The following NADK variants were observed in gnomAD, a reference collection of about 807,000 sequenced individuals.
NADK encodes NAD kinase, also known as poly(P)/ATP NAD kinase.
NADK carries 22 observed loss-of-function variants against 49.8 expected under a neutral mutation model. The observed-to-expected ratio is 0.44, with a 90% CI of 0.32 to 0.63. The LOEUF (loss-of-function observed/expected upper bound fraction) is 0.63. Among genes scored for constraint, NADK ranks in the 30% least tolerant of loss-of-function variants. The pLI, the probability that NADK is intolerant of heterozygous loss-of-function variation, is 0.06. For synonymous variants in NADK, 268 were observed against 253.7 expected, an observed-to-expected ratio of 1.06 and a Z score of -0.54; for missense variants, 438 against 609.4, an observed-to-expected ratio of 0.72 and a Z score of 2.96.
chr1:1,757,146 G>GCGGCCCC, intron 4 of NADK, 35 bp downstream of exon 4: 2 of 1,524,050 alleles, frequency 1.3e-6, no homozygotes, highest in Non-Finnish European at 1.8e-6. Context: ...AACTCCATGT[G>GCGGCCCC]CACCCCAGGC....
chr1:1,752,811 G>T lies in NADK; in HGVS notation c.*93C>A, dbSNP rs914247926. On this transcript the variant is annotated 3_prime_UTR_variant, in exon 12 of 12. Transcript: ENST00000341426. ...ACAGAAAGGAAGTGGCCGTGCCACT[G>T]AGACAGGCGGTCACAGACACACGCA... The T allele has an allele frequency of 2.1e-6, 3 of 1,450,884 alleles. No individual in the cohort carries two copies. Among genetic ancestry groups the T allele is most frequent in the African/African-American group, 1.4e-5 (1 of 71,244 alleles). 89.9% of individuals were successfully genotyped at this position (1,450,884 alleles called of 1,614,324 possible).
chr1:1,779,375 T>C (rs1249275377), upstream of NADK, among the ~76,000 whole-genome samples: 1 of 152,118 alleles, frequency 6.6e-6, no homozygotes, highest in East Asian at 1.9e-4. Flanking sequence ...GCCTCAAATA[T>C]CCCAATAATG....
intron 2 of NADK, 118 bp downstream of exon 2, chr1:1,765,110 C>G: frequency 9.4e-7 from 1 of 1,059,014 alleles, no homozygotes. Flanking sequence ...AGGACCCAGC[C>G]TCACCTTCCG....
At chr1:1,757,024 G>A (rs1375250544) in intron 4 of NADK, 157 bp downstream of exon 4, 1 of 1,194,230 alleles carries the variant, frequency 8.4e-7, no homozygotes, top group African/African-American at 1.5e-5. Context: ...CACAAACCCA[G>A]ACACCCGGCA....
chr1:1,772,355 G>A (rs942840667), intron 1 of NADK, among the ~76,000 whole-genome samples: 1 of 152,112 alleles, frequency 6.6e-6, no homozygotes, highest in East Asian at 2.0e-4. Context: ...GTAGAGATGA[G>A]GTTTTGCCAT....
At chr1:1,759,652 A>G in intron 3 of NADK, 3 of 1,436,030 alleles carry the variant, frequency 2.1e-6, no homozygotes, top group Non-Finnish European at 2.8e-6. Flanking sequence ...ATGATCCCAG[A>G]GACACAGAGC....
intron 10 of NADK, among the ~76,000 whole-genome samples, 168 bp from the exon 11 acceptor site, chr1:1,753,817 A>G (rs1357095387): frequency 6.6e-6 from 1 of 152,184 alleles, no homozygotes; most frequent in Non-Finnish European, 1.5e-5. Context: ...GCACCGCCAG[A>G]GACCAACAAT....
chr1:1,754,838 T>G lies in NADK; in HGVS notation c.689-140A>C. 2 of 791,700 alleles carry G rather than the reference T, an allele frequency of 2.5e-6. No individual in the cohort carries two copies. The highest frequency in any genetic ancestry group is 3.7e-5 in the South Asian group (2 of 53,912). The allele number at this position is 791,700 out of a possible 1,614,324, so 49.0% of individuals were successfully genotyped here. A position where few individuals can be genotyped will look rare whatever the true frequency, so the allele number is the denominator to read the frequency against. Reference sequence around the variant, plus strand: ...ACTTCTGTGCCTTTTTCTTTTTATTTTGAGATGGAGTCTCACTCTGTCACC... The same window carrying G: ...ACTTCTGTGCCTTTTTCTTTTTATTGTGAGATGGAGTCTCACTCTGTCACC... On this transcript the variant is annotated intron_variant, in intron 7 of 11. Transcript: ENST00000341426. This position sits in a 1 kb window ranked among gnomAD's most constrained non-coding sequence, Gnocchi z 4.3.
At chr1:1,770,587 C>CTGA (rs1646017286) in intron 1 of NADK, among the ~76,000 whole-genome samples, 1 of 151,956 alleles carries the variant, frequency 6.6e-6, no homozygotes, top group Non-Finnish European at 1.5e-5. Context: ...AAAAAATTAG[C>CTGA]CGGGCATGGT....
rs150643617 is a variant in NADK at position 1,769,408 on chromosome 1, G to A, written c.-40-3962C>T. The stretch of plus-strand genomic sequence containing the variant: ...CTAAAAATACAAAAAACAATTAGCC[G>A]GGCGTGGTGGTGGGCGCCTACACTC... On this transcript the variant is annotated intron_variant, in intron 1 of 11. Transcript: ENST00000341426. 8.2e-3 allele frequency among the ~76,000 whole-genome samples: 1,250 copies of A among 152,240 alleles called. 20 individuals are homozygous for A. The highest frequency in any genetic ancestry group is 0.029 in the African/African-American group (1,210 of 41,556).
In NADK at chr1:1,764,034, C is replaced by T. The variant is rs530219439; in HGVS notation, c.179+1194G>A. Among the ~76,000 whole-genome samples, 119 of 152,320 alleles carry T rather than the reference C, an allele frequency of 7.8e-4. 1 individual carries two copies. The highest frequency in any genetic ancestry group is 2.7e-3 in the African/African-American group (112 of 41,572). ...GCATCTGAGAAAGGCTGAGTGGTGA[C>T]GTGGTGCCTGCGGGATGAAGGCAGC... On this transcript the variant is annotated intron_variant, in intron 2 of 11. Transcript: ENST00000341426.
intron 2 of NADK, among the ~76,000 whole-genome samples, chr1:1,763,282 G>C (rs548831630): frequency 1.6e-4 from 24 of 152,062 alleles, no homozygotes; most frequent in Non-Finnish European, 2.9e-4. Flanking sequence ...AGGAGATTGA[G>C]ACCATCCTGG....
At position 1,752,882 on chromosome 1, in the gene NADK, C is replaced by T. The variant is rs374921888; in HGVS notation, c.*22G>A. Reference sequence around the variant, plus strand: ...GCGCTTGGAGGGCAGCGGAAGGATTCGGGCCTGGATAGGGGCTTGACCTAG... The same window carrying T: ...GCGCTTGGAGGGCAGCGGAAGGATTTGGGCCTGGATAGGGGCTTGACCTAG... On this transcript the variant is annotated 3_prime_UTR_variant, in exon 12 of 12. Transcript: ENST00000341426. 14 of 1,604,538 alleles carry T rather than the reference C, an allele frequency of 8.7e-6. No homozygotes were observed. The highest frequency in any genetic ancestry group is 3.4e-5 in the Admixed American group (2 of 59,418).
In NADK at chr1:1,753,557, C is replaced by G; in HGVS notation, c.1184+10G>C. On this transcript the variant is annotated intron_variant, in intron 11 of 11. Coordinates refer to ENST00000341426, the MANE Select transcript of NADK (RefSeq NM_023018.5). ...GGCAGGCAGCGCCCAGCCCGGCATG[C>G]AGCCCACACCTGTCTCCATGGCGGA... The G allele has an allele frequency of 1.2e-6, 2 of 1,607,824 alleles. No homozygotes were observed. Among genetic ancestry groups the G allele is most frequent in the African/African-American group, 2.7e-5 (2 of 74,968 alleles).
At chr1:1,756,985 C>A in intron 4 of NADK, 196 bp downstream of exon 4, 14 of 945,672 alleles carry the variant, frequency 1.5e-5, no homozygotes, top group Non-Finnish European at 2.4e-5. Flanking sequence ...TTGTTGGTCA[C>A]CCAGTCTGGT....
Position 1,753,647 on chromosome 1 carries a change from G to A in NADK, c.1104C>T (p.Ile368=). The change falls in exon 11 of 12, where the codon ATC becomes ATT. Residue 368 remains isoleucine (I), a splice_region_variant and synonymous_variant. Transcript: ENST00000341426. ...IVVPAGVELK[I]MLSPEARNTA... ...TGTTCCTTGCTTCAGGTGACAGCAT[G>A]ATCTGAGGGTCAAGCAGGGAGAGGT... 1 of 1,607,672 alleles carries A rather than the reference G, an allele frequency of 6.2e-7. No homozygotes were observed. Among genetic ancestry groups the A allele is most frequent in the Non-Finnish European group, 8.5e-7 (1 of 1,176,194 alleles).
Position 1,759,705 on chromosome 1 carries a change from T to C in NADK, c.263+2247A>G, listed in dbSNP as rs1476853882. 3.9e-6 allele frequency: 6 copies of C among 1,546,632 alleles called. No individual in the cohort carries two copies. In the East Asian group the frequency reaches 9.8e-5, roughly 25 times the overall value. On this transcript the variant is annotated intron_variant, in intron 3 of 11. Coordinates refer to ENST00000341426, the MANE Select transcript of NADK (RefSeq NM_023018.5). ...CCATGGGGGTGCCGAGAAAGCTGCA[T>C]GCCCCTCAAGGCTGCCCCACAAACC...
chr1:1,771,385 G>A (rs1411484018), intron 1 of NADK, among the ~76,000 whole-genome samples: 1 of 152,068 alleles, frequency 6.6e-6, no homozygotes, highest in Non-Finnish European at 1.5e-5. Context: ...CTAAAGGAAA[G>A]GACAAGCTGA....
chr1:1,758,284 C>CAACACAG lies in NADK; in HGVS notation c.264-981_264-975dup, dbSNP rs1645595171. Reference sequence around the variant, plus strand: ...CGTCCCACTAACACCCCCAGAACCACAACACAGACGCCGATGGCAGCCACA... The same window carrying CAACACAG: ...CGTCCCACTAACACCCCCAGAACCACAACACAGAACACAGACGCCGATGGCAGCCACA... On this transcript the variant is annotated intron_variant, in intron 3 of 11. Coordinates refer to ENST00000341426, the MANE Select transcript of NADK (RefSeq NM_023018.5). The CAACACAG allele has an allele frequency of 3.6e-5, 54 of 1,501,626 alleles. 1 individual carries two copies. Among genetic ancestry groups the CAACACAG allele is most frequent in the Non-Finnish European group, 4.9e-5 (54 of 1,110,720 alleles). The allele number at this position is 1,501,626 out of a possible 1,614,324, so 93.0% of individuals were successfully genotyped here.
Sources: allele counts gnomAD v4.1 joint callset (sites outside exome capture counted in the v4.1 genomes callset), GRCh38; gene constraint gnomAD v4.1.1; non-coding constraint Gnocchi (gnomAD v3.1); transcripts MANE v1.5; gene names NCBI Gene and HGNC (gene_info 2026-07-23, HGNC 2026-07-21).